Variants in MAST3 observed in about 807,000 individuals in gnomAD.
MAST3 encodes microtubule associated serine/threonine kinase 3, also known as microtubule-associated serine/threonine-protein kinase 3.
In MAST3, 43 loss-of-function variants were observed where a neutral mutation model predicts 127.0. That is an observed-to-expected ratio of 0.34 (90% CI 0.27 to 0.44). MAST3 has a LOEUF of 0.44. Ranked by LOEUF, MAST3 falls within the 20% of genes least tolerant of loss-of-function variation. The pLI is 1.00. For synonymous variants in MAST3, 785 were observed against 809.2 expected (o/e 0.97, Z 0.51); for missense variants, 1,390 against 1,919.1 (o/e 0.72, Z 5.15).
Position 18,145,386 on chromosome 19 carries a change from G to A in MAST3, c.3039+157G>A, listed in dbSNP as rs1265774530. ...GGTCCCTGTCATTTGGCAGGGAGGA[G>A]GTCAGATGAGAGAGACAAGGATGGA... On this transcript the variant is annotated intron_variant, in intron 24 of 27. Coordinates refer to ENST00000687212, the MANE Select transcript of MAST3 (RefSeq NM_001393504.1). The surrounding 1 kb of genome is among the most constrained non-coding windows in gnomAD (Gnocchi z 5.9). 6.6e-6 allele frequency among the ~76,000 whole-genome samples: 1 copy of A among 152,124 alleles called. No homozygotes were observed. Among genetic ancestry groups the A allele is most frequent in the African/African-American group, 2.4e-5 (1 of 41,426 alleles).
intron 18 of MAST3, among the ~76,000 whole-genome samples, chr19:18,136,917 G>A (rs1199763664): frequency 6.6e-6 from 1 of 151,916 alleles, no homozygotes; most frequent in African/African-American, 2.4e-5. Flanking sequence ...CACCTCCCAG[G>A]TTCGAGCGAT....
rs2042909773 is a variant in MAST3 at position 18,145,274 on chromosome 19, C to G, written c.3039+45C>G. The G allele has an allele frequency of 1.3e-6, 2 of 1,574,116 alleles. No homozygotes were observed. The highest frequency in any genetic ancestry group is 1.7e-6 in the Non-Finnish European group (2 of 1,144,854). On this transcript the variant is annotated intron_variant, in intron 24 of 27. Coordinates refer to ENST00000687212, the MANE Select transcript of MAST3 (RefSeq NM_001393504.1). The surrounding 1 kb of genome is among the most constrained non-coding windows in gnomAD (Gnocchi z 5.9). The stretch of plus-strand genomic sequence containing the variant: ...GGCAGGGACCCGGGTTCTAGTTTGA[C>G]TCTGCCCGGTCATGTCCCTTCTCAG...
chr19:18,127,424 C>G (rs1473596294), intron 11 of MAST3, among the ~76,000 whole-genome samples: 2 of 152,100 alleles, frequency 1.3e-5, no homozygotes. Context: ...TGGCTTATAC[C>G]TGTAATCCCA....
intron 1 of MAST3, chr19:18,098,852 C>T: frequency 2.2e-6 from 1 of 455,436 alleles, no homozygotes; most frequent in Admixed American, 2.4e-5. Flanking sequence ...AAACCCCAAC[C>T]TGTTGGGGGA....
At chr19:18,101,107 G>A (rs756026965) in intron 1 of MAST3, among the ~76,000 whole-genome samples, 1 of 152,190 alleles carries the variant, frequency 6.6e-6, no homozygotes, top group Non-Finnish European at 1.5e-5. Flanking sequence ...AACGTGAGCT[G>A]TTATTACTAC....
At chr19:18,134,480 G>A in intron 15 of MAST3, 99 bp from the exon 16 acceptor site, 2 of 1,447,664 alleles carry the variant, frequency 1.4e-6, no homozygotes, top group Middle Eastern at 2.4e-4. Flanking sequence ...GTTGGAGGCA[G>A]AGCTCTGCCC....
chr19:18,105,212 C>G (rs1371674092), intron 1 of MAST3, among the ~76,000 whole-genome samples: 3 of 151,508 alleles, frequency 2.0e-5, no homozygotes, highest in African/African-American at 7.3e-5. Flanking sequence ...GCTAAATATA[C>G]AAAAATTAGC....
Position 18,145,825 on chromosome 19 carries a change from T to C in MAST3, c.3122T>C (p.Leu1041Pro). 3.8e-6 allele frequency: 6 copies of C among 1,598,344 alleles called. No homozygotes were observed. Among genetic ancestry groups the C allele is most frequent in the Non-Finnish European group, 5.1e-6 (6 of 1,174,250 alleles). ...LITHINGESVLGLVHMDVVEL... is the reference protein window; with the variant it reads ...LITHINGESVPGLVHMDVVEL... ...ACCCACATCAACGGGGAGTCAGTGC[T>C]GGGGCTGGTGCACATGGACGTCGTG... is the stretch of plus-strand genomic sequence containing the variant. Residue 1041 changes from leucine (L) to proline (P), a missense_variant, in exon 25 of 28, where the codon CTG (leucine) becomes CCG (proline). Leu to Pro is a moderately conservative substitution (Grantham distance 98). Transcript: ENST00000687212. The surrounding 1 kb of genome is among the most constrained non-coding windows in gnomAD (Gnocchi z 5.9).
rs770457322 is a variant in MAST3 at position 18,144,969 on chromosome 19, G to A, written c.2813-34G>A. 2 of 1,170,824 alleles carry A rather than the reference G, an allele frequency of 1.7e-6. No individual in the cohort carries two copies. Among genetic ancestry groups the A allele is most frequent in the South Asian group, 2.5e-5 (2 of 80,832 alleles). The allele number at this position is 1,170,824 out of a possible 1,614,324, so 72.5% of individuals were successfully genotyped here. On this transcript the variant is annotated intron_variant, in intron 23 of 27. Transcript: ENST00000687212. The surrounding 1 kb of genome is among the most constrained non-coding windows in gnomAD (Gnocchi z 4.0). ...AGGGGGCCCCAGGGGAGACCTGTGA[G>A]GGAGTGAGTGACCCCCTCCCTAACC...
In MAST3 at chr19:18,121,931, T is replaced by G. The variant is rs2040023895; in HGVS notation, c.320+9T>G. 3.1e-6 allele frequency: 5 copies of G among 1,613,998 alleles called. No individual in the cohort carries two copies. Among genetic ancestry groups the G allele is most frequent in the Middle Eastern group, 1.6e-4 (1 of 6,062 alleles). On this transcript the variant is annotated intron_variant, in intron 5 of 27. Coordinates refer to ENST00000687212, the MANE Select transcript of MAST3 (RefSeq NM_001393504.1). ...TTCCCCTTTGCCCGGAGGTGAGTGA[T>G]TGCCGGCTTTGGGAGACAGTGCGGG...
intron 3 of MAST3, among the ~76,000 whole-genome samples, chr19:18,118,748 G>C (rs931383966): frequency 6.6e-6 from 1 of 152,208 alleles, no homozygotes; most frequent in Non-Finnish European, 1.5e-5. Context: ...TTGAAAAGCA[G>C]AGAGGATAAG....
chr19:18,144,709 C>T lies in MAST3; in HGVS notation c.2812+16C>T. 6.2e-7 allele frequency: 1 copy of T among 1,603,544 alleles called. No homozygotes were observed. Among genetic ancestry groups the T allele is most frequent in the Non-Finnish European group, 8.5e-7 (1 of 1,179,284 alleles). The stretch of plus-strand genomic sequence containing the variant: ...ATCACGGCAGGTAATGCCCAAGGCC[C>T]CTCTCACCTTTGTCTGTCTGCACCC... On this transcript the variant is annotated intron_variant, in intron 23 of 27. Coordinates refer to ENST00000687212, the MANE Select transcript of MAST3 (RefSeq NM_001393504.1). The surrounding 1 kb of genome is among the most constrained non-coding windows in gnomAD (Gnocchi z 4.0).
chr19:18,123,708 G>T (rs944731300), intron 8 of MAST3, 53 bp downstream of exon 8: 6 of 1,392,478 alleles, frequency 4.3e-6, no homozygotes, highest in Non-Finnish European at 4.8e-6. Context: ...CCACATTGCT[G>T]TCCCTCCATG....
rs1407865547 is a variant in MAST3, at chr19:18,145,058, G to A, written c.2868G>A (p.Ser956=). 3.1e-6 allele frequency: 5 copies of A among 1,611,012 alleles called. No individual in the cohort carries two copies. Among genetic ancestry groups the A allele is most frequent in the Admixed American group, 3.3e-5 (2 of 59,882 alleles). Residue 956 remains serine (S), a synonymous_variant, in exon 24 of 28, where the codon TCG becomes TCA. Coordinates refer to ENST00000687212, the MANE Select transcript of MAST3 (RefSeq NM_001393504.1). This position sits in a 1 kb window ranked among gnomAD's most constrained non-coding sequence, Gnocchi z 5.9. ...CCCTTTCCCCGCGCTCTCTGTCCTCGAACCCGTCGTCCCGTGACTCTTCGC... is the reference window on the plus strand; with the variant it reads ...CCCTTTCCCCGCGCTCTCTGTCCTCAAACCCGTCGTCCCGTGACTCTTCGC... ...MSPLSPRSLS[S]NPSSRDSSPS...
intron 1 of MAST3, among the ~76,000 whole-genome samples, chr19:18,101,550 C>T (rs1354911805): frequency 6.6e-6 from 1 of 152,152 alleles, no homozygotes; most frequent in Non-Finnish European, 1.5e-5. Flanking sequence ...TTTCCATGTG[C>T]CTGCAGGCTT....
rs1288103318 is a variant in MAST3, at chr19:18,124,369, A to G, written c.945+3A>G. 2.5e-6 allele frequency: 4 copies of G among 1,596,022 alleles called. No individual in the cohort carries two copies. The highest frequency in any genetic ancestry group is 1.7e-4 in the Middle Eastern group (1 of 6,044). Reference sequence around the variant, plus strand: ...CAGCTCGGCTGCTGGAGTGTCTGGTAAGTTTCTCTTTCTACGGCCAGCTTG... The same window carrying G: ...CAGCTCGGCTGCTGGAGTGTCTGGTGAGTTTCTCTTTCTACGGCCAGCTTG... On this transcript the variant is annotated splice_donor_region_variant and intron_variant, in intron 10 of 27. Coordinates refer to ENST00000687212, the MANE Select transcript of MAST3 (RefSeq NM_001393504.1).
chr19:18,129,938 G>GGAAA, intron 13 of MAST3, among the ~76,000 whole-genome samples: 1 of 142,886 alleles, frequency 7.0e-6, no homozygotes, highest in Middle Eastern at 3.7e-3. Context: ...AAAAAAAAAA[G>GGAAA]GAAAGAAAGA....
rs576687216 is a variant in MAST3, at chr19:18,130,384, G to A, written c.1224-110G>A. ...GGAGAATGGGTGGCCCAGGTGGAGGGCACAGCACAGGCAAAGGCCAGGCAG... is the reference window on the plus strand; with the variant it reads ...GGAGAATGGGTGGCCCAGGTGGAGGACACAGCACAGGCAAAGGCCAGGCAG... On this transcript the variant is annotated intron_variant, in intron 13 of 27. Coordinates refer to ENST00000687212, the MANE Select transcript of MAST3 (RefSeq NM_001393504.1). The A allele has an allele frequency of 2.2e-4, 209 of 955,672 alleles. 2 individuals are homozygous for A. The South Asian group carries it at 3.1e-3, about 14-fold the overall frequency. 59.2% of individuals were successfully genotyped at this position (955,672 alleles called of 1,614,324 possible). A position where few individuals can be genotyped will look rare whatever the true frequency, so the allele number is the denominator to read the frequency against.
At position 18,146,865 on chromosome 19, in the gene MAST3, A is replaced by AG. The variant is rs1227370472; in HGVS notation, c.3163-16_3163-15insG. On this transcript the variant is annotated splice_polypyrimidine_tract_variant and intron_variant, in intron 25 of 27. Coordinates refer to ENST00000687212, the MANE Select transcript of MAST3 (RefSeq NM_001393504.1). ...GTGAGAGGCACAGAGGCAACCCCTC[A>AG]CCATCCCTCCCGCAGAGCGGCAACA... The AG allele has an allele frequency of 1.3e-6, 2 of 1,540,290 alleles. No homozygotes were observed. The highest frequency in any genetic ancestry group is 2.7e-5 in the African/African-American group (2 of 72,882).
Sources: allele counts gnomAD v4.1 joint callset (sites outside exome capture counted in the v4.1 genomes callset), GRCh38; gene constraint gnomAD v4.1.1; non-coding constraint Gnocchi (gnomAD v3.1); transcripts MANE v1.5; gene names NCBI Gene and HGNC (gene_info 2026-07-23, HGNC 2026-07-21).